ATG14: variants seen among roughly 807,000 people sequenced by gnomAD.
ATG14 encodes the protein autophagy related 14, also known as beclin 1-associated autophagy-related key regulator.
In ATG14, 35 loss-of-function variants were observed where a neutral mutation model predicts 60.4. That is an observed-to-expected ratio of 0.58 (90% CI 0.44 to 0.77). The LOEUF is 0.77. Among genes scored for constraint, ATG14 ranks in the 30% least tolerant of loss-of-function variants. The pLI, the probability that ATG14 is intolerant of heterozygous loss-of-function variation, is 0.00. For missense variants in ATG14, 647 were observed against 626.3 expected, an observed-to-expected ratio of 1.03 and a Z score of -0.35; for synonymous variants, 234 against 228.8, an observed-to-expected ratio of 1.02 and a Z score of -0.21.
rs1884681134 is a variant in ATG14, at chr14:55,366,475, A to G, written c.*3144T>C. On this transcript the variant is annotated 3_prime_UTR_variant, in exon 10 of 10. Coordinates refer to ENST00000247178, the MANE Select transcript of ATG14 (RefSeq NM_014924.5). ...CAAACTGGTTTGGAAGTTGCAGAGC[A>G]ATGGGGAATTCCTGCAACATGATAC... 6.6e-6 allele frequency: 1 copy of G among 152,652 alleles called. No individual in the cohort carries two copies. Among genetic ancestry groups the G allele is most frequent in the African/African-American group, 2.4e-5 (1 of 41,466 alleles). 9.5% of individuals were successfully genotyped at this position (152,652 alleles called of 1,614,324 possible).
intron 9 of ATG14, among the ~76,000 whole-genome samples, chr14:55,377,116 G>T (rs1372690954): frequency 6.6e-6 from 1 of 152,202 alleles, no homozygotes; most frequent in Non-Finnish European, 1.5e-5. Context: ...GGAAGCCGAA[G>T]CGGGTGGATC....
intron 2 of ATG14, 69 bp downstream of exon 2, chr14:55,397,303 C>G: frequency 7.7e-7 from 1 of 1,300,332 alleles, no homozygotes; most frequent in Non-Finnish European, 1.1e-6. Flanking sequence ...CTGCATACCA[C>G]AGCACTGAAT....
chr14:55,407,776 T>C (rs1217916285), intron 1 of ATG14, among the ~76,000 whole-genome samples: 3 of 152,080 alleles, frequency 2.0e-5, no homozygotes, highest in Non-Finnish European at 2.9e-5. Context: ...GGTACTGTGA[T>C]AGCAAATAAT....
At position 55,366,733 on chromosome 14, in the gene ATG14, A is replaced by G. The variant is rs1430168123; in HGVS notation, c.*2886T>C. 1.3e-5 allele frequency: 2 copies of G among 152,642 alleles called. No individual in the cohort carries two copies. The highest frequency in any genetic ancestry group is 2.9e-5 in the Non-Finnish European group (2 of 68,044). 9.5% of individuals were successfully genotyped at this position (152,642 alleles called of 1,614,324 possible). On this transcript the variant is annotated 3_prime_UTR_variant, in exon 10 of 10. Transcript: ENST00000247178. The stretch of plus-strand genomic sequence containing the variant: ...GTTTTTATTAGTATTACTTTGTTTC[A>G]GTAAATCATTTTAAAATGGAAAACA...
rs145482440 is a variant in ATG14 at position 55,404,576 on chromosome 14, T to C, written c.221+7026A>G. Among the ~76,000 whole-genome samples, 55 of 152,286 alleles carry C rather than the reference T, an allele frequency of 3.6e-4. No homozygotes were observed. The East Asian group carries it at 9.4e-3, about 26-fold the overall frequency. On this transcript the variant is annotated intron_variant, in intron 1 of 9. Transcript: ENST00000247178. ...AAGAGACGAGATTATGAAAACTCTTTTGCATTATGACAGGCCTTGAAAATA... is the reference window on the plus strand; with the variant it reads ...AAGAGACGAGATTATGAAAACTCTTCTGCATTATGACAGGCCTTGAAAATA...
At position 55,408,690 on chromosome 14, in the gene ATG14, G is replaced by C. The variant is rs570224236; in HGVS notation, c.221+2912C>G. ...AAAGGTTAAGATGGGAGGATTGCTT[G>C]AGCCCAGGAGTCTGAGGCTGCCGCA... On this transcript the variant is annotated intron_variant, in intron 1 of 9. Transcript: ENST00000247178. Among the ~76,000 whole-genome samples, 5 of 152,322 alleles carry C rather than the reference G, an allele frequency of 3.3e-5. No homozygotes were observed. In the South Asian group the frequency reaches 6.2e-4, roughly 19 times the overall value.
At chr14:55,406,264 A>G (rs1203949845) in intron 1 of ATG14, among the ~76,000 whole-genome samples, 2 of 152,214 alleles carry the variant, frequency 1.3e-5, no homozygotes, top group Non-Finnish European at 2.9e-5. Flanking sequence ...GAACTTTGAT[A>G]TGCATTATCA....
chr14:55,371,681 G>A (rs1359269012), intron 9 of ATG14, among the ~76,000 whole-genome samples: 1 of 152,150 alleles, frequency 6.6e-6, no homozygotes, highest in Admixed American at 6.5e-5. Flanking sequence ...GCGGGCACCT[G>A]TAGTCCCGGC....
chr14:55,397,146 G>A (rs1279683769), intron 2 of ATG14, among the ~76,000 whole-genome samples: 1 of 152,142 alleles, frequency 6.6e-6, no homozygotes, highest in Non-Finnish European at 1.5e-5. Flanking sequence ...GATTCACTGA[G>A]TATCTACTGT....
At chr14:55,380,876 T>TATATATATGTA in intron 6 of ATG14, among the ~76,000 whole-genome samples, 186 bp from the exon 7 acceptor site, 1 of 84,346 alleles carries the variant, frequency 1.2e-5, no homozygotes, top group South Asian at 3.9e-4. Flanking sequence ...TATATATATA[T>TATATATATGTA]TTTTTTTTTT....
intron 4 of ATG14, among the ~76,000 whole-genome samples, chr14:55,389,681 T>C (rs902858512): frequency 6.6e-6 from 1 of 152,238 alleles, no homozygotes; most frequent in African/African-American, 2.4e-5. Flanking sequence ...ACATGCTCTT[T>C]GAGTCTGAAG....
chr14:55,402,921 A>AG (rs1885424426), intron 1 of ATG14, among the ~76,000 whole-genome samples: 1 of 45,680 alleles, frequency 2.2e-5, no homozygotes, highest in African/African-American at 1.1e-4. Flanking sequence ...AAAAAAAAAA[A>AG]AAAAAATATA....
At chr14:55,399,667 C>T (rs1885367372) in intron 1 of ATG14, among the ~76,000 whole-genome samples, 1 of 152,164 alleles carries the variant, frequency 6.6e-6, no homozygotes, top group African/African-American at 2.4e-5. Flanking sequence ...ATAGTATTTA[C>T]TTTTATATCA....
Position 55,369,758 on chromosome 14 carries a change from G to A in ATG14, c.1340C>T (p.Pro447Leu). The A allele has an allele frequency of 1.9e-6, 3 of 1,614,198 alleles. No individual in the cohort carries two copies. Among genetic ancestry groups the A allele is most frequent in the Non-Finnish European group, 2.5e-6 (3 of 1,180,020 alleles). Reference sequence around the variant, plus strand: ...CTGGGAGACTTCCACAGACTGGGAAGGGATATCACAAAACCGGGGACTAGG... The same window carrying A: ...CTGGGAGACTTCCACAGACTGGGAAAGGATATCACAAAACCGGGGACTAGG... The part of the protein sequence containing the change: ...NLPSPRFCDI[P>L]SQSVEVSQSQ... Residue 447 changes from proline (P) to leucine (L), a missense_variant, in exon 10 of 10, where the codon CCT (proline) becomes CTT (leucine). Coordinates refer to ENST00000247178, the MANE Select transcript of ATG14 (RefSeq NM_014924.5).
chr14:55,400,630 C>T (rs1018572328), intron 1 of ATG14, among the ~76,000 whole-genome samples: 1 of 152,122 alleles, frequency 6.6e-6, no homozygotes, highest in East Asian at 1.9e-4. Flanking sequence ...TGGGCCGGTG[C>T]GGTGGCTCAC....
intron 9 of ATG14, among the ~76,000 whole-genome samples, chr14:55,377,347 C>CAA (rs903887080): frequency 6.9e-6 from 1 of 144,334 alleles, no homozygotes; most frequent in Non-Finnish European, 1.5e-5. Flanking sequence ...AACCCCATCT[C>CAA]AAAAAAAAAA....
intron 2 of ATG14, among the ~76,000 whole-genome samples, chr14:55,396,947 C>G (rs535308755): frequency 1.8e-4 from 27 of 152,252 alleles, no homozygotes; most frequent in African/African-American, 6.5e-4. Flanking sequence ...AATTTTTAAC[C>G]ATTAACTCAG....
At chr14:55,376,914 A>C (rs1221431296) in intron 9 of ATG14, among the ~76,000 whole-genome samples, 1 of 152,222 alleles carries the variant, frequency 6.6e-6, no homozygotes, top group African/African-American at 2.4e-5. Flanking sequence ...CTGAGAGAAT[A>C]AAAAGATCTC....
chr14:55,390,558 A>G (rs944318115), intron 4 of ATG14, among the ~76,000 whole-genome samples: 1 of 151,834 alleles, frequency 6.6e-6, no homozygotes, highest in Admixed American at 6.6e-5. Context: ...TATTTAGTAG[A>G]GACGGAGTTT....
Sources: allele counts gnomAD v4.1 joint callset (sites outside exome capture counted in the v4.1 genomes callset), GRCh38; gene constraint gnomAD v4.1.1; transcripts MANE v1.5; gene names NCBI Gene and HGNC (gene_info 2026-07-23, HGNC 2026-07-21).